The following BRINP3 variants were observed in gnomAD, a reference collection of about 807,000 sequenced individuals.
BRINP3 encodes BMP/retinoic acid-inducible neural-specific protein 3.
BRINP3 carries 19 observed loss-of-function variants against 71.0 expected under a neutral mutation model. That is an observed-to-expected ratio of 0.27 (90% CI 0.19 to 0.39). The LOEUF (loss-of-function observed/expected upper bound fraction) is 0.39, where lower values mean the gene tolerates loss of function less well. Ranked by LOEUF, BRINP3 falls within the 10% of genes least tolerant of loss-of-function variation. The pLI is 1.00. For synonymous variants in BRINP3, 380 were observed against 337.7 expected, an observed-to-expected ratio of 1.13 and a Z score of -1.37; for missense variants, 959 against 940.8, an observed-to-expected ratio of 1.02 and a Z score of -0.25.
At chr1:190,380,418 G>T (rs1002737307) in intron 2 of BRINP3, among the ~76,000 whole-genome samples, 1 of 152,124 alleles carries the variant, frequency 6.6e-6, no homozygotes, top group African/African-American at 2.4e-5. Context: ...ATATCTAAAG[G>T]AAGATGTCAA....
intron 3 of BRINP3, among the ~76,000 whole-genome samples, chr1:190,279,801 C>T (rs1571615993): frequency 6.6e-6 from 1 of 151,980 alleles, no homozygotes; most frequent in African/African-American, 2.4e-5. Context: ...CCAGTTGGCT[C>T]TCTGGATTTG....
chr1:190,444,832 G>A (rs1675103248), intron 2 of BRINP3, among the ~76,000 whole-genome samples: 1 of 152,128 alleles, frequency 6.6e-6, no homozygotes, highest in Non-Finnish European at 1.5e-5. Flanking sequence ...ACCGCGCCTG[G>A]CCAAAAATAG....
At chr1:190,288,517 A>G (rs1452540421) in intron 2 of BRINP3, among the ~76,000 whole-genome samples, 1 of 151,980 alleles carries the variant, frequency 6.6e-6, no homozygotes, top group Non-Finnish European at 1.5e-5. Context: ...AATTCACAAA[A>G]TGTAAAGCTT....
intron 2 of BRINP3, among the ~76,000 whole-genome samples, chr1:190,304,672 T>C (rs76113539): frequency 0.015 from 2,349 of 151,940 alleles, 79 homozygotes; most frequent in African/African-American, 0.053. Context: ...AGAAAAAGCA[T>C]AGGAAAAAAG....
intron 6 of BRINP3, among the ~76,000 whole-genome samples, chr1:190,179,919 T>C (rs1652880188): frequency 1.3e-5 from 2 of 152,144 alleles, no homozygotes; most frequent in African/African-American, 2.4e-5. Context: ...ATCTGTGACA[T>C]AGTTTCCTTT....
At chr1:190,390,018 G>A (rs904246632) in intron 2 of BRINP3, among the ~76,000 whole-genome samples, 10 of 151,738 alleles carry the variant, frequency 6.6e-5, no homozygotes, top group African/African-American at 2.2e-4. Context: ...TTTGTAAACT[G>A]ATGAGACTTT....
intron 2 of BRINP3, among the ~76,000 whole-genome samples, chr1:190,332,682 A>C (rs1667045393): frequency 6.6e-6 from 1 of 152,046 alleles, no homozygotes. Flanking sequence ...CTGGAAATAA[A>C]GGCACATTTC....
In BRINP3 at chr1:190,149,578, G is replaced by A. The variant is rs1241931174; in HGVS notation, c.1184+11090C>T. Among the ~76,000 whole-genome samples, 7 of 151,646 alleles carry A rather than the reference G, an allele frequency of 4.6e-5. No individual in the cohort carries two copies. The East Asian group carries it at 9.6e-4, about 21-fold the overall frequency. Reference sequence around the variant, plus strand: ...GGAGCATGTACGTTTTTGTATACACGTCTCAGTGCGTGCGTGTTAGTGTGC... The same window carrying A: ...GGAGCATGTACGTTTTTGTATACACATCTCAGTGCGTGCGTGTTAGTGTGC... On this transcript the variant is annotated intron_variant, in intron 7 of 7. Transcript: ENST00000367462.
At chr1:190,192,463 C>A (rs908040447) in intron 6 of BRINP3, among the ~76,000 whole-genome samples, 1 of 151,506 alleles carries the variant, frequency 6.6e-6, no homozygotes, top group African/African-American at 2.4e-5. Context: ...AATAATTCTT[C>A]ATTTGTTATA....
chr1:190,370,666 G>A (rs1669802112), intron 2 of BRINP3, among the ~76,000 whole-genome samples: 1 of 152,204 alleles, frequency 6.6e-6, no homozygotes, highest in African/African-American at 2.4e-5. Flanking sequence ...CTTGGCTAAG[G>A]TAAGGCAGGG....
intron 2 of BRINP3, among the ~76,000 whole-genome samples, chr1:190,381,826 T>C (rs1670568736): frequency 6.6e-6 from 1 of 152,136 alleles, no homozygotes; most frequent in African/African-American, 2.4e-5. Flanking sequence ...CCAAGACTAT[T>C]TTAATATTCT....
intron 2 of BRINP3, among the ~76,000 whole-genome samples, chr1:190,400,462 T>C (rs1671849568): frequency 6.6e-6 from 1 of 152,164 alleles, no homozygotes; most frequent in Non-Finnish European, 1.5e-5. Flanking sequence ...ATAGTTATGA[T>C]ACAAAGAGAA....
chr1:190,118,675 T>G (rs1368112192), intron 7 of BRINP3, among the ~76,000 whole-genome samples: 2 of 152,200 alleles, frequency 1.3e-5, no homozygotes, highest in Admixed American at 6.5e-5. Flanking sequence ...TCTGTGCTAC[T>G]TAAGACTGCC....
intron 6 of BRINP3, among the ~76,000 whole-genome samples, chr1:190,191,527 T>TA (rs1436071576): frequency 6.6e-6 from 1 of 152,078 alleles, no homozygotes; most frequent in Non-Finnish European, 1.5e-5. Context: ...GTTCTTATGT[T>TA]AGTTTGCTGA....
chr1:190,263,870 G>T (rs748129480), intron 4 of BRINP3, among the ~76,000 whole-genome samples: 19 of 152,106 alleles, frequency 1.2e-4, no homozygotes, highest in Non-Finnish European at 2.5e-4. Flanking sequence ...TAACAGGCCT[G>T]AGCCACCGTG....
intron 2 of BRINP3, among the ~76,000 whole-genome samples, chr1:190,314,457 A>C (rs1206380196): frequency 6.6e-6 from 1 of 152,078 alleles, no homozygotes; most frequent in Admixed American, 6.6e-5. Flanking sequence ...ATATAATCCA[A>C]ACAGTCATTT....
chr1:190,355,534 C>T (rs897027661), intron 2 of BRINP3, among the ~76,000 whole-genome samples: 5 of 151,888 alleles, frequency 3.3e-5, no homozygotes, highest in African/African-American at 7.2e-5. Context: ...CTGCTATAAA[C>T]CTGTTTCCCC....
chr1:190,224,921 G>C lies in BRINP3; in HGVS notation c.961+1161C>G, dbSNP rs185907921. The stretch of plus-strand genomic sequence containing the variant: ...TAATGCTCAACATCACTAATTATCA[G>C]AGAAATGCAAGTCAAAACTACAATT... On this transcript the variant is annotated intron_variant, in intron 6 of 7. Coordinates refer to ENST00000367462, the MANE Select transcript of BRINP3 (RefSeq NM_199051.3). Among the ~76,000 whole-genome samples, 514 of 152,066 alleles carry C rather than the reference G, an allele frequency of 3.4e-3. 6 individuals carry two copies. Among genetic ancestry groups the C allele is most frequent in the African/African-American group, 0.012 (499 of 41,538 alleles).
intron 2 of BRINP3, among the ~76,000 whole-genome samples, chr1:190,322,791 C>G (rs1442430587): frequency 6.6e-6 from 1 of 151,972 alleles, no homozygotes; most frequent in Non-Finnish European, 1.5e-5. Flanking sequence ...AAGTTACATT[C>G]CTTTTAGTTC....
Sources: allele counts gnomAD v4.1 joint callset (sites outside exome capture counted in the v4.1 genomes callset), GRCh38; gene constraint gnomAD v4.1.1; transcripts MANE v1.5; gene names NCBI Gene and HGNC (gene_info 2026-07-23, HGNC 2026-07-21).